The following SLA variants were observed in gnomAD, a reference collection of about 807,000 sequenced individuals.
SLA encodes src-like-adapter.
SLA carries 16 observed loss-of-function variants against 30.3 expected under a neutral mutation model. The observed-to-expected ratio is 0.53, with a 90% CI of 0.36 to 0.80. The LOEUF (loss-of-function observed/expected upper bound fraction) is 0.80. Among genes scored for constraint, SLA ranks in the 30% least tolerant of loss-of-function variants. SLA has a pLI of 0.01. For synonymous variants in SLA, 143 were observed against 137.8 expected, an observed-to-expected ratio of 1.04 and a Z score of -0.26; for missense variants, 310 against 345.2, an observed-to-expected ratio of 0.90 and a Z score of 0.81.
intron 2 of SLA, among the ~76,000 whole-genome samples, chr8:133,064,623 G>GAA (rs1438761396): frequency 6.6e-6 from 1 of 152,250 alleles, no homozygotes; most frequent in Non-Finnish European, 1.5e-5. Context: ...CATTTGAGCA[G>GAA]AAACATGGCA....
intron 2 of SLA, among the ~76,000 whole-genome samples, chr8:133,064,419 A>G (rs1842793045): frequency 6.6e-6 from 1 of 152,222 alleles, no homozygotes; most frequent in Non-Finnish European, 1.5e-5. Context: ...ATATTGTTGT[A>G]TTTAATCTTA....
intron 3 of SLA, among the ~76,000 whole-genome samples, chr8:133,058,675 C>G (rs1273764677): frequency 6.6e-6 from 1 of 152,178 alleles, no homozygotes; most frequent in African/African-American, 2.4e-5. Context: ...AAGAGCCCGG[C>G]ATTCTCCTGA....
At chr8:133,049,509 C>T (rs918789824) in intron 5 of SLA, 3 of 287,172 alleles carry the variant, frequency 1.0e-5, no homozygotes, top group Non-Finnish European at 2.1e-5. Context: ...GGAAAGGGAA[C>T]TGATGCATAA....
At chr8:133,039,126 A>G (rs1017928542) in intron 8 of SLA, among the ~76,000 whole-genome samples, 1 of 152,114 alleles carries the variant, frequency 6.6e-6, no homozygotes, top group Non-Finnish European at 1.5e-5. Context: ...TGATCTGCCC[A>G]CCTCAGCCTC....
chr8:133,050,892 C>T lies in SLA; in HGVS notation c.85G>A (p.Val29Met), dbSNP rs758614889. The change falls in exon 4 of 9, where the codon GTG becomes ATG. Residue 29 changes from valine to methionine, a missense_variant. Transcript: ENST00000338087. ...TCAGGAGACGGGTAGTCACTTAGCA[C>T]GGCAAGGAAGTCGCTATCCAGTCCT... ...PEGLDSDFLA[V>M]LSDYPSPDIS... 26 of 1,613,214 alleles carry T rather than the reference C, an allele frequency of 1.6e-5. No individual in the cohort carries two copies. The highest frequency in any genetic ancestry group is 3.3e-5 in the South Asian group (3 of 91,064).
At chr8:133,041,866 C>T (rs888157365) in intron 7 of SLA, among the ~76,000 whole-genome samples, 4 of 149,610 alleles carry the variant, frequency 2.7e-5, no homozygotes, top group Non-Finnish European at 3.0e-5. Flanking sequence ...TGGCTCATTG[C>T]AACCTCTGCC....
intron 1 of SLA, among the ~76,000 whole-genome samples, chr8:133,099,382 T>C (rs1220717692): frequency 2.0e-5 from 3 of 152,214 alleles, no homozygotes; most frequent in South Asian, 2.1e-4. Flanking sequence ...TAGGTGCTAA[T>C]TGATGAGGAG....
chr8:133,047,984 G>T, intron 5 of SLA, 51 bp from the exon 6 acceptor site: 1 of 1,145,076 alleles, frequency 8.7e-7, no homozygotes, highest in South Asian at 1.3e-5. Flanking sequence ...CCTCCCCCAG[G>T]AAAGGCAGGA....
At chr8:133,080,627 T>C (rs968039130) in intron 1 of SLA, among the ~76,000 whole-genome samples, 1 of 152,152 alleles carries the variant, frequency 6.6e-6, no homozygotes, top group African/African-American at 2.4e-5. Flanking sequence ...CTTCACCCCT[T>C]TCCTGGCATT....
chr8:133,079,213 A>G (rs1845375461), intron 1 of SLA, among the ~76,000 whole-genome samples: 1 of 152,214 alleles, frequency 6.6e-6, no homozygotes, highest in Non-Finnish European at 1.5e-5. Flanking sequence ...GTCAGGCTTT[A>G]GGACTCAAAA....
intron 2 of SLA, among the ~76,000 whole-genome samples, chr8:133,062,208 CT>C (rs1270786164): frequency 6.6e-6 from 1 of 152,192 alleles, no homozygotes; most frequent in Non-Finnish European, 1.5e-5. Flanking sequence ...ATGCTTGCCC[CT>C]ACCCTCCTCA....
chr8:133,047,815 T>C lies in SLA; in HGVS notation c.352+15A>G. 7.2e-7 allele frequency: 1 copy of C among 1,397,710 alleles called. No homozygotes were observed. The highest frequency in any genetic ancestry group is 1.7e-5 in the Admixed American group (1 of 59,684). 86.6% of individuals were successfully genotyped at this position (1,397,710 alleles called of 1,614,324 possible). A position where few individuals can be genotyped will look rare whatever the true frequency, so the allele number is the denominator to read the frequency against. On this transcript the variant is annotated intron_variant, in intron 6 of 8. Coordinates refer to ENST00000338087, the MANE Select transcript of SLA (RefSeq NM_001045556.3). ...TCTGCCCCGGATGGGGAAAGATGAG[T>C]TGGGGGCCACTCACCTTTCTTGGTC...
At chr8:133,058,333 G>A (rs762790358) in intron 3 of SLA, among the ~76,000 whole-genome samples, 1 of 152,210 alleles carries the variant, frequency 6.6e-6, no homozygotes, top group Admixed American at 6.5e-5. Context: ...TCTTCACCAG[G>A]GGGTGGAGGG....
At chr8:133,051,662 T>C (rs1322023368) in intron 3 of SLA, among the ~76,000 whole-genome samples, 2 of 152,174 alleles carry the variant, frequency 1.3e-5, no homozygotes, top group Non-Finnish European at 2.9e-5. Context: ...GGTTCCTGAC[T>C]GTAGAGGAGA....
chr8:133,093,579 C>G (rs1319214437), intron 1 of SLA, among the ~76,000 whole-genome samples: 1 of 152,198 alleles, frequency 6.6e-6, no homozygotes, highest in African/African-American at 2.4e-5. Context: ...TCCTCTGGCA[C>G]CAGGTCTCAC....
intron 1 of SLA, among the ~76,000 whole-genome samples, chr8:133,093,357 T>C (rs1847885489): frequency 1.3e-5 from 2 of 149,544 alleles, no homozygotes; most frequent in Admixed American, 6.6e-5. Context: ...AGGATTCTTC[T>C]CTCTCTTTTA....
intron 1 of SLA, among the ~76,000 whole-genome samples, chr8:133,079,536 C>T (rs1384988187): frequency 6.6e-6 from 1 of 152,132 alleles, no homozygotes; most frequent in Non-Finnish European, 1.5e-5. Context: ...CTTCAGGTCT[C>T]GGAGGAGTTC....
intron 1 of SLA, among the ~76,000 whole-genome samples, chr8:133,096,710 G>A (rs895493679): frequency 1.3e-5 from 2 of 152,202 alleles, no homozygotes; most frequent in Non-Finnish European, 2.9e-5. Flanking sequence ...GTTGTACTGA[G>A]AACTGAGAGA....
At chr8:133,066,882 T>C (rs1587965657) in intron 2 of SLA, among the ~76,000 whole-genome samples, 1 of 152,124 alleles carries the variant, frequency 6.6e-6, no homozygotes, top group Non-Finnish European at 1.5e-5. Context: ...GGCTGGGGGG[T>C]TGGCTAACTC....
Sources: gnomAD v4.1 joint callset for allele counts (sites outside exome capture counted in the v4.1 genomes callset) on GRCh38, gnomAD v4.1.1 for gene constraint, MANE v1.5 for transcripts, NCBI Gene and HGNC (gene_info 2026-07-23, HGNC 2026-07-21) for gene names.